XYLT1: variants seen among roughly 807,000 people sequenced by gnomAD.
XYLT1 encodes the protein beta-D-xylosyltransferase 1.
A neutral mutation model predicts 91.3 loss-of-function variants in XYLT1; 36 were observed. The ratio of observed to expected loss-of-function variants is 0.39; its 90% confidence interval spans 0.30 to 0.52. XYLT1 has a LOEUF of 0.52. Ranked by LOEUF, XYLT1 falls within the 20% of genes least tolerant of loss-of-function variation. The pLI is 0.68. For synonymous variants in XYLT1, 588 were observed against 532.0 expected (o/e 1.11, Z -1.45); for missense variants, 1,242 against 1,284.5 (o/e 0.97, Z 0.51).
At chr16:17,424,123 C>G (rs1160385672) in intron 1 of XYLT1, among the ~76,000 whole-genome samples, 2 of 152,208 alleles carry the variant, frequency 1.3e-5, no homozygotes, top group African/African-American at 4.8e-5. Context: ...CGGTCATCAT[C>G]CACCCTTTAC....
intron 4 of XYLT1, among the ~76,000 whole-genome samples, chr16:17,199,570 G>A (rs2032494190): frequency 6.6e-6 from 1 of 152,162 alleles, no homozygotes; most frequent in Admixed American, 6.5e-5. Context: ...CACGTGTTAT[G>A]GGAGGGATCC....
At chr16:17,362,629 C>G (rs955357239) in intron 1 of XYLT1, among the ~76,000 whole-genome samples, 1 of 152,182 alleles carries the variant, frequency 6.6e-6, no homozygotes, top group Non-Finnish European at 1.5e-5. Context: ...AATTAAGCCC[C>G]AACAAAGAAA....
chr16:17,397,400 T>C (rs749005014), intron 1 of XYLT1, among the ~76,000 whole-genome samples: 7 of 152,132 alleles, frequency 4.6e-5, no homozygotes, highest in East Asian at 3.9e-4. Flanking sequence ...CGAGACAACA[T>C]TGGATGGCTG....
At chr16:17,135,867 G>A (rs537487775) in intron 8 of XYLT1, among the ~76,000 whole-genome samples, 1 of 152,226 alleles carries the variant, frequency 6.6e-6, no homozygotes, top group African/African-American at 2.4e-5. Context: ...ACAGACAAGA[G>A]ACTAAATAAA....
chr16:17,167,143 G>A (rs1205820870), intron 5 of XYLT1, among the ~76,000 whole-genome samples: 1 of 152,234 alleles, frequency 6.6e-6, no homozygotes, highest in Non-Finnish European at 1.5e-5. Flanking sequence ...CAGTGCCCCA[G>A]GGCCAGAGCC....
intron 1 of XYLT1, among the ~76,000 whole-genome samples, chr16:17,425,537 T>C (rs1234296864): frequency 6.6e-6 from 1 of 152,208 alleles, no homozygotes; most frequent in Non-Finnish European, 1.5e-5. Context: ...TGTAACATTT[T>C]GCTTCCCAGA....
At chr16:17,382,044 C>A (rs2035688402) in intron 1 of XYLT1, among the ~76,000 whole-genome samples, 1 of 151,854 alleles carries the variant, frequency 6.6e-6, no homozygotes, top group South Asian at 2.1e-4. Flanking sequence ...AGGGATGATT[C>A]CAGAGTCCAT....
At position 17,342,036 on chromosome 16, in the gene XYLT1, T is replaced by C. The variant is rs73523041; in HGVS notation, c.402+15976A>G. On this transcript the variant is annotated intron_variant, in intron 2 of 11. Coordinates refer to ENST00000261381, the MANE Select transcript of XYLT1 (RefSeq NM_022166.4). ...AATCCCATTTTCCAAGGCAAGGCCA[T>C]GTCATTCCTCTGTTTAAAATCCTCT... is the stretch of plus-strand genomic sequence containing the variant. Among the ~76,000 whole-genome samples, 1,403 of 152,320 alleles carry C rather than the reference T, an allele frequency of 9.2e-3. 22 individuals carry two copies. The highest frequency in any genetic ancestry group is 0.032 in the African/African-American group (1,348 of 41,564).
intron 3 of XYLT1, 135 bp from the exon 4 acceptor site, chr16:17,200,789 T>C (rs1205141265): frequency 1.1e-6 from 1 of 939,196 alleles, no homozygotes; most frequent in Non-Finnish European, 1.6e-6. Flanking sequence ...TAAAACATAA[T>C]TCAATGCCAC....
At chr16:17,123,310 T>C (rs1459005230) in intron 10 of XYLT1, among the ~76,000 whole-genome samples, 1 of 152,206 alleles carries the variant, frequency 6.6e-6, no homozygotes, top group African/African-American at 2.4e-5. Context: ...GGTTTGTTCT[T>C]GTTTCTCTAG....
intron 3 of XYLT1, among the ~76,000 whole-genome samples, chr16:17,208,038 G>A (rs2032688025): frequency 6.6e-6 from 1 of 151,914 alleles, no homozygotes. Flanking sequence ...CCAGGCTGGA[G>A]TGCAGTGGCA....
intron 3 of XYLT1, among the ~76,000 whole-genome samples, chr16:17,226,574 G>A (rs1005609615): frequency 2.6e-5 from 4 of 152,208 alleles, no homozygotes; most frequent in Non-Finnish European, 4.4e-5. Context: ...GATCACCTGA[G>A]GTCAGGTGTT....
At chr16:17,442,816 C>T (rs930659339) in intron 1 of XYLT1, among the ~76,000 whole-genome samples, 1 of 152,158 alleles carries the variant, frequency 6.6e-6, no homozygotes, top group African/African-American at 2.4e-5. Context: ...CTTATTCCTA[C>T]TCAAATTAGC....
chr16:17,138,707 A>G (rs1411142731), intron 7 of XYLT1, 176 bp from the exon 8 acceptor site: 3 of 605,774 alleles, frequency 5.0e-6, no homozygotes, highest in South Asian at 2.8e-5. Context: ...CTGCAAGCCA[A>G]ATAAACCTCT....
chr16:17,327,940 ACTC>A, intron 2 of XYLT1, among the ~76,000 whole-genome samples: 1 of 152,010 alleles, frequency 6.6e-6, no homozygotes, highest in South Asian at 2.1e-4. Context: ...CTCCAGCCAC[ACTC>A]CTCTGCTTCA....
At chr16:17,235,836 C>A (rs2033238978) in intron 3 of XYLT1, among the ~76,000 whole-genome samples, 1 of 152,148 alleles carries the variant, frequency 6.6e-6, no homozygotes, top group African/African-American at 2.4e-5. Context: ...GCCTTTTAAT[C>A]ACATACATCA....
rs1047702919 is a variant in XYLT1, at chr16:17,157,758, T to G, written c.1370+1071A>C. Among the ~76,000 whole-genome samples the G allele has an allele frequency of 2.0e-5, 3 of 152,150 alleles. 1 individual carries two copies. Among genetic ancestry groups the G allele is most frequent in the Non-Finnish European group, 4.4e-5 (3 of 68,022 alleles). On this transcript the variant is annotated intron_variant, in intron 6 of 11. Transcript: ENST00000261381. ...GTTTAATGGTGTTTTCTTTTTTTGTTTTCTTTTTTAGATGGAGTCTCACTC... is the reference window on the plus strand; with the variant it reads ...GTTTAATGGTGTTTTCTTTTTTTGTGTTCTTTTTTAGATGGAGTCTCACTC...
chr16:17,335,694 C>CA (rs34629667), intron 2 of XYLT1, among the ~76,000 whole-genome samples: 69,921 of 125,266 alleles, frequency 0.56, 18,164 homozygotes, highest in Admixed American at 0.64. Flanking sequence ...AACTCCATCT[C>CA]AAAAAAAAAA....
chr16:17,288,438 TGA>T (rs1393123998), intron 2 of XYLT1, among the ~76,000 whole-genome samples: 1 of 152,108 alleles, frequency 6.6e-6, no homozygotes, highest in East Asian at 1.9e-4. Flanking sequence ...GGATTGTGTG[TGA>T]TTCTTTTGTT....
Sources: allele counts gnomAD v4.1 joint callset (sites outside exome capture counted in the v4.1 genomes callset), GRCh38; gene constraint gnomAD v4.1.1; transcripts MANE v1.5; gene names NCBI Gene and HGNC (gene_info 2026-07-23, HGNC 2026-07-21).